The following SV2C variants were observed in gnomAD, a reference collection of about 807,000 sequenced individuals.
The protein encoded by SV2C is solute carrier family 22 member B3.
In SV2C, 49 loss-of-function variants were observed where a neutral mutation model predicts 79.7. The observed-to-expected ratio is 0.61, with a 90% CI of 0.49 to 0.78. SV2C has a LOEUF of 0.78. Ranked by LOEUF, SV2C falls within the 30% of genes least tolerant of loss-of-function variation. SV2C has a pLI of 0.00. For missense variants in SV2C, 833 were observed against 912.9 expected (o/e 0.91, Z 1.13); for synonymous variants, 334 against 333.2 (o/e 1.00, Z -0.03).
chr5:75,898,063 C>T, the SV2C span, among the ~76,000 whole-genome samples: 1 of 151,882 alleles, frequency 6.6e-6, no homozygotes, highest in Admixed American at 6.6e-5. Flanking sequence ...CCTTTATTTC[C>T]TTCTCCTGCC....
rs1748564113 is a variant in SV2C at position 76,122,815 on chromosome 5, T to G, written c.-101-8835T>G. ...ACCCTAACATCACGATTAAAAGAAC[T>G]AGAAAAGCAAGACCAAACACATTCA... is the stretch of plus-strand genomic sequence containing the variant. On this transcript the variant is annotated intron_variant, in intron 1 of 12. Coordinates refer to ENST00000502798, the MANE Select transcript of SV2C (RefSeq NM_014979.4). Among the ~76,000 whole-genome samples, 2 of 151,690 alleles carry G rather than the reference T, an allele frequency of 1.3e-5. 1 individual carries two copies. Among genetic ancestry groups the G allele is most frequent in the Admixed American group, 1.3e-4 (2 of 15,244 alleles).
chr5:76,116,965 TG>T (rs1748288397), intron 1 of SV2C, among the ~76,000 whole-genome samples: 1 of 152,152 alleles, frequency 6.6e-6, no homozygotes, highest in African/African-American at 2.4e-5. Context: ...TTACCCGAGA[TG>T]GGTCCAGATC....
chr5:76,126,070 C>A lies in SV2C; in HGVS notation c.-101-5580C>A, dbSNP rs562086524. Among the ~76,000 whole-genome samples the A allele has an allele frequency of 1.4e-4, 21 of 152,056 alleles. No homozygotes were observed. In the South Asian group the frequency reaches 4.4e-3, roughly 32 times the overall value. ...CTGTCTCAAAAAACAAACAAAAAAC[C>A]CAATAACATTACTTTATGGTGTTCC... On this transcript the variant is annotated intron_variant, in intron 1 of 12. Coordinates refer to ENST00000502798, the MANE Select transcript of SV2C (RefSeq NM_014979.4).
chr5:76,317,485 G>A (rs1191657762), intron 12 of SV2C, among the ~76,000 whole-genome samples: 1 of 117,238 alleles, frequency 8.5e-6, no homozygotes, highest in Non-Finnish European at 1.9e-5. Flanking sequence ...CCTTTAACAG[G>A]TAAATTCTAT....
chr5:75,887,451 G>A, the SV2C span, among the ~76,000 whole-genome samples: 1 of 151,212 alleles, frequency 6.6e-6, no homozygotes, highest in Non-Finnish European at 1.5e-5. Context: ...GTGAGATCTT[G>A]TAGTATTTGT....
chr5:76,270,698 T>C (rs939385070), intron 4 of SV2C, among the ~76,000 whole-genome samples: 2 of 152,204 alleles, frequency 1.3e-5, no homozygotes, highest in Admixed American at 6.5e-5. Context: ...ATGCGAAGCC[T>C]TTTATGGCTT....
At position 76,327,147 on chromosome 5, in the gene SV2C, CT is replaced by C. The variant is rs972180565; in HGVS notation, c.*1601del. 6.6e-6 allele frequency: 1 copy of C among 152,224 alleles called. No individual in the cohort carries two copies. The highest frequency in any genetic ancestry group is 6.5e-5 in the Admixed American group (1 of 15,276). The allele number at this position is 152,224 out of a possible 1,614,324, so 9.4% of individuals were successfully genotyped here. ...TCCCCTGAGGCCCCCCTGCCTCCCC[CT>C]CCCCTTCCTAATGATCCCTCGCAGA... On this transcript the variant is annotated 3_prime_UTR_variant, in exon 13 of 13. Coordinates refer to ENST00000502798, the MANE Select transcript of SV2C (RefSeq NM_014979.4).
chr5:76,050,403 A>T, the SV2C span, among the ~76,000 whole-genome samples: 1 of 152,168 alleles, frequency 6.6e-6, no homozygotes, highest in African/African-American at 2.4e-5. Context: ...CCTTGGTGTT[A>T]TCTCTAGAGG....
chr5:76,033,090 GGTT>G, the SV2C span, among the ~76,000 whole-genome samples: 92 of 152,022 alleles, frequency 6.1e-4, no homozygotes, highest in African/African-American at 2.0e-3. Context: ...TTTTTGATGG[GGTT>G]GTTTGTTTTT....
At chr5:76,082,357 G>GC (rs895540417), upstream of SV2C, 22 of 152,362 alleles carry the variant, frequency 1.4e-4, no homozygotes, top group African/African-American at 5.3e-4. Flanking sequence ...CAGCCGCCTG[G>GC]CCCACCGCTT....
the SV2C span, among the ~76,000 whole-genome samples, chr5:75,871,837 A>ACC: frequency 1.9e-5 from 2 of 106,590 alleles, no homozygotes; most frequent in Non-Finnish European, 3.7e-5. Flanking sequence ...ATATATATAC[A>ACC]CACACACACA....
chr5:76,243,856 T>A (rs1435358936), intron 4 of SV2C, among the ~76,000 whole-genome samples: 1 of 152,096 alleles, frequency 6.6e-6, no homozygotes, highest in Non-Finnish European at 1.5e-5. Flanking sequence ...CCACTCCAAC[T>A]CACATGCAGC....
chr5:76,213,455 AC>A (rs1744829117), intron 4 of SV2C, among the ~76,000 whole-genome samples: 3 of 152,158 alleles, frequency 2.0e-5, no homozygotes, highest in Admixed American at 2.0e-4. Context: ...TATGAATGTT[AC>A]ACTTTTTCAC....
At chr5:75,920,665 C>T in the SV2C span, 3 of 678,386 alleles carry the variant, frequency 4.4e-6, no homozygotes, top group Non-Finnish European at 8.1e-6. Context: ...AGGAACTGCC[C>T]TCACTCCTGC....
At chr5:75,867,041 C>T in the SV2C span, among the ~76,000 whole-genome samples, 20,507 of 152,040 alleles carry the variant, frequency 0.13, 1,465 homozygotes, top group African/African-American at 0.17. Context: ...GCAGGGCAGC[C>T]ACAGTGGGAA....
At chr5:76,245,922 G>GTGTGTGTGTGTA (rs1554042655) in intron 4 of SV2C, among the ~76,000 whole-genome samples, 1 of 140,164 alleles carries the variant, frequency 7.1e-6, no homozygotes, top group Admixed American at 6.9e-5. Context: ...GTGTGTGTGT[G>GTGTGTGTGTGTA]TGTGTGTGTG....
rs549663904 is a variant in SV2C at position 76,260,433 on chromosome 5, G to A, written c.914-24729G>A. Among the ~76,000 whole-genome samples the A allele has an allele frequency of 5.3e-4, 81 of 152,272 alleles. 1 individual carries two copies. Among genetic ancestry groups the A allele is most frequent in the Non-Finnish European group, 8.5e-4 (58 of 68,012 alleles). On this transcript the variant is annotated intron_variant, in intron 4 of 12. Coordinates refer to ENST00000502798, the MANE Select transcript of SV2C (RefSeq NM_014979.4). ...TGATAGTTTATTTTATTAAGCAGAA[G>A]CTCTTTAGTTTAATTAGATCCAGTT...
At chr5:76,109,072 CAGA>C (rs1176882906) in intron 1 of SV2C, among the ~76,000 whole-genome samples, 1 of 152,122 alleles carries the variant, frequency 6.6e-6, no homozygotes, top group Non-Finnish European at 1.5e-5. Context: ...GGAGGAGATT[CAGA>C]AGAAGAATTT....
rs201019699 is a variant in SV2C at position 76,298,799 on chromosome 5, T to C, written c.1508T>C (p.Ile503Thr). ...TGMEYDNGRF[I>T]GVKFKSVTFK... ...TTTTTCTGTGTGTTGGGCAGATTCA[T>C]AGGGGTCAAGTTCAAATCTGTAACT... Residue 503 changes from isoleucine (I) to threonine (T), a missense_variant, in exon 10 of 13, where the codon ATA becomes ACA. Physicochemically the swap from Ile to Thr is moderately conservative, Grantham distance 89 (BLOSUM62 -1). Coordinates refer to ENST00000502798, the MANE Select transcript of SV2C (RefSeq NM_014979.4). 176 of 1,613,622 alleles carry C rather than the reference T, an allele frequency of 1.1e-4. No individual in the cohort carries two copies. The highest frequency in any genetic ancestry group is 1.4e-4 in the Non-Finnish European group (169 of 1,179,712).
Sources: gnomAD v4.1 joint callset for allele counts (sites outside exome capture counted in the v4.1 genomes callset) on GRCh38, gnomAD v4.1.1 for gene constraint, MANE v1.5 for transcripts, NCBI Gene and HGNC (gene_info 2026-07-23, HGNC 2026-07-21) for gene names.